The following NRXN1 variants were observed in gnomAD, a reference collection of about 807,000 sequenced individuals.
NRXN1 encodes neurexin 1, also known as neurexin-1.
Under a neutral mutation model 150.9 loss-of-function variants are expected in NRXN1, and 39 were observed. That is an observed-to-expected ratio of 0.26 (90% confidence interval 0.20 to 0.34). The LOEUF (loss-of-function observed/expected upper bound fraction) is 0.34, where lower values mean the gene tolerates loss of function less well. NRXN1 is among the 10% of genes least tolerant of loss of function. The pLI, the probability that NRXN1 is intolerant of heterozygous loss-of-function variation, is 1.00. For synonymous variants in NRXN1, 924 were observed against 757.0 expected, an observed-to-expected ratio of 1.22 and a Z score of -3.62; for missense variants, 1,815 against 1,949.9, an observed-to-expected ratio of 0.93 and a Z score of 1.30.
At chr2:51,004,042 T>C (rs1465668141) in intron 2 of NRXN1, among the ~76,000 whole-genome samples, 6 of 151,064 alleles carry the variant, frequency 4.0e-5, no homozygotes, top group Admixed American at 2.6e-4. Flanking sequence ...GTTATTGTTG[T>C]TGTTGTTTGC....
chr2:50,010,455 C>T (rs971683852), intron 21 of NRXN1, among the ~76,000 whole-genome samples: 2 of 152,100 alleles, frequency 1.3e-5, no homozygotes, highest in African/African-American at 4.8e-5. Flanking sequence ...GACCTAAATA[C>T]ATTAATCTGC....
intron 21 of NRXN1, among the ~76,000 whole-genome samples, chr2:50,041,168 G>A (rs1189247881): frequency 6.6e-6 from 1 of 152,044 alleles, no homozygotes; most frequent in Non-Finnish European, 1.5e-5. Flanking sequence ...TCTGTTGTGA[G>A]GAATTCATTC....
At chr2:50,151,761 A>C (rs925461141) in intron 18 of NRXN1, among the ~76,000 whole-genome samples, 2 of 151,732 alleles carry the variant, frequency 1.3e-5, no homozygotes, top group African/African-American at 2.4e-5. Flanking sequence ...CAATGGTTGC[A>C]ATTACTTAGT....
At chr2:50,813,503 G>A (rs978359693) in intron 5 of NRXN1, among the ~76,000 whole-genome samples, 1 of 152,014 alleles carries the variant, frequency 6.6e-6, no homozygotes, top group Admixed American at 6.6e-5. Flanking sequence ...AAAAATCGTT[G>A]ATTATTAGCA....
chr2:49,987,718 G>C (rs1307570191), intron 21 of NRXN1, among the ~76,000 whole-genome samples: 1 of 151,336 alleles, frequency 6.6e-6, no homozygotes, highest in African/African-American at 2.4e-5. Context: ...TAAATAGAAG[G>C]ATGAGCTAAT....
chr2:50,836,029 C>G (rs2105907786), intron 5 of NRXN1, among the ~76,000 whole-genome samples: 1 of 152,260 alleles, frequency 6.6e-6, no homozygotes, highest in Non-Finnish European at 1.5e-5. Flanking sequence ...ACATTCTTTT[C>G]ACGTTTGTAA....
chr2:50,578,796 T>A (rs1006137497), intron 8 of NRXN1, among the ~76,000 whole-genome samples: 3 of 152,166 alleles, frequency 2.0e-5, no homozygotes, highest in African/African-American at 4.8e-5. Flanking sequence ...ATATTCTAGA[T>A]CTAGATCTAG....
intron 17 of NRXN1, among the ~76,000 whole-genome samples, chr2:50,363,399 A>T (rs998867940): frequency 6.6e-6 from 1 of 152,208 alleles, no homozygotes; most frequent in Non-Finnish European, 1.5e-5. Context: ...TTACAAGAAA[A>T]AAACAAACAA....
intron 5 of NRXN1, among the ~76,000 whole-genome samples, chr2:50,635,321 C>CTTT (rs60283749): frequency 1.4e-5 from 2 of 139,216 alleles, no homozygotes; most frequent in African/African-American, 2.7e-5. Context: ...CCATGCCTAG[C>CTTT]TTTTTTTTTT....
chr2:50,853,832 A>C (rs1192396408), intron 5 of NRXN1, among the ~76,000 whole-genome samples: 1 of 152,082 alleles, frequency 6.6e-6, no homozygotes, highest in African/African-American at 2.4e-5. Context: ...CTTTAAATGG[A>C]ACCTAATGAG....
At chr2:50,938,498 C>T (rs997608200) in intron 2 of NRXN1, among the ~76,000 whole-genome samples, 10 of 152,156 alleles carry the variant, frequency 6.6e-5, no homozygotes, top group East Asian at 1.9e-4. Flanking sequence ...CAAACTATTC[C>T]GATTTCTGCC....
intron 18 of NRXN1, among the ~76,000 whole-genome samples, chr2:50,126,227 G>A (rs926588796): frequency 6.6e-6 from 1 of 152,058 alleles, no homozygotes; most frequent in African/African-American, 2.4e-5. Flanking sequence ...TCTTTCTGCT[G>A]CAGGTGTGTT....
At position 50,744,422 on chromosome 2, in the gene NRXN1, A is replaced by G. The variant is rs369017586; in HGVS notation, c.833-120807T>C. Among the ~76,000 whole-genome samples the G allele has an allele frequency of 5.6e-4, 85 of 152,222 alleles. No homozygotes were observed. In the South Asian group the frequency reaches 0.017, roughly 30 times the overall value. On this transcript the variant is annotated intron_variant, in intron 5 of 22. Coordinates refer to ENST00000401669, the MANE Select transcript of NRXN1 (RefSeq NM_001330078.2). The stretch of plus-strand genomic sequence containing the variant: ...TTTCTCTCTAATGATAAGAATAAAA[A>G]CATTAATTATAACAAGATATAATTA...
intron 8 of NRXN1, among the ~76,000 whole-genome samples, chr2:50,588,318 T>A (rs1368928442): frequency 1.3e-5 from 2 of 152,100 alleles, no homozygotes; most frequent in Non-Finnish European, 2.9e-5. Context: ...GAACAGGAAA[T>A]AATAAAAAAT....
intron 17 of NRXN1, among the ~76,000 whole-genome samples, chr2:50,242,959 A>T (rs1453198016): frequency 6.6e-6 from 1 of 151,730 alleles, no homozygotes; most frequent in Non-Finnish European, 1.5e-5. Context: ...AGGTCGAAAC[A>T]AAAAATGTCC....
chr2:50,906,218 G>A (rs868169610), intron 5 of NRXN1, among the ~76,000 whole-genome samples: 2 of 152,142 alleles, frequency 1.3e-5, no homozygotes, highest in Middle Eastern at 6.8e-3. Context: ...AATTACATAC[G>A]AGGAGAAAAT....
chr2:49,977,567 G>T (rs1240762637), intron 21 of NRXN1, among the ~76,000 whole-genome samples: 1 of 152,170 alleles, frequency 6.6e-6, no homozygotes, highest in African/African-American at 2.4e-5. Flanking sequence ...AGATGGAGAA[G>T]AGAAGGGGAC....
At chr2:50,314,482 A>C (rs1433075079) in intron 17 of NRXN1, among the ~76,000 whole-genome samples, 1 of 151,848 alleles carries the variant, frequency 6.6e-6, no homozygotes, top group Non-Finnish European at 1.5e-5. Flanking sequence ...ATCTTTCATC[A>C]CTCAAAAGGC....
intron 17 of NRXN1, among the ~76,000 whole-genome samples, chr2:50,297,753 G>A (rs893925645): frequency 2.3e-4 from 35 of 152,206 alleles, no homozygotes; most frequent in African/African-American, 6.5e-4. Flanking sequence ...GACCATACAG[G>A]TGATATAAAA....
Sources: gnomAD v4.1 joint callset for allele counts (sites outside exome capture counted in the v4.1 genomes callset) on GRCh38, gnomAD v4.1.1 for gene constraint, MANE v1.5 for transcripts, NCBI Gene and HGNC (gene_info 2026-07-23, HGNC 2026-07-21) for gene names.